BTBD10: variants seen among roughly 807,000 people sequenced by gnomAD.
BTBD10 encodes the protein BTB/POZ domain-containing protein 10.
A neutral mutation model predicts 53.2 loss-of-function variants in BTBD10; 21 were observed. The ratio of observed to expected loss-of-function variants is 0.39; its 90% CI spans 0.28 to 0.57. The LOEUF is 0.57. Ranked by LOEUF, BTBD10 falls within the 20% of genes least tolerant of loss-of-function variation. The probability of loss-of-function intolerance (pLI) is 0.53; values close to 1 mark genes in which losing one functional copy is unlikely to be tolerated. For missense variants in BTBD10, 360 were observed against 594.7 expected (o/e 0.61, Z 4.10); for synonymous variants, 149 against 192.7 (o/e 0.77, Z 1.88).
chr11:13,437,697 A>T (rs557396101), intron 2 of BTBD10, among the ~76,000 whole-genome samples: 81 of 152,328 alleles, frequency 5.3e-4, no homozygotes, highest in African/African-American at 1.8e-3. Context: ...TTGGTCTGGC[A>T]ATCTAATTTT....
intron 8 of BTBD10, 72 bp from the exon 9 acceptor site, chr11:13,389,213 C>A: frequency 7.7e-7 from 1 of 1,296,186 alleles, no homozygotes; most frequent in Non-Finnish European, 1.1e-6. Context: ...CCTTAGAAAG[C>A]TTTTCTGCTA....
At chr11:13,393,757 T>A (rs916285552) in intron 8 of BTBD10, among the ~76,000 whole-genome samples, 7 of 152,206 alleles carry the variant, frequency 4.6e-5, no homozygotes, top group Non-Finnish European at 1.0e-4. Context: ...GAAATTTTTT[T>A]AATTTTAAAT....
At chr11:13,444,662 G>A (rs1472764285) in intron 2 of BTBD10, among the ~76,000 whole-genome samples, 4 of 152,190 alleles carry the variant, frequency 2.6e-5, no homozygotes, top group South Asian at 2.1e-4. Flanking sequence ...ATATTATCCT[G>A]TGTAAGGTAT....
At chr11:13,425,860 CAT>C (rs1460705615) in intron 2 of BTBD10, among the ~76,000 whole-genome samples, 1 of 151,984 alleles carries the variant, frequency 6.6e-6, no homozygotes, top group African/African-American at 2.4e-5. Context: ...ATAATTATTA[CAT>C]GTTACATGTC....
intron 5 of BTBD10, among the ~76,000 whole-genome samples, chr11:13,416,345 C>A (rs543086677): frequency 6.6e-6 from 1 of 151,900 alleles, no homozygotes; most frequent in Non-Finnish European, 1.5e-5. Flanking sequence ...CACAGTGAGA[C>A]CCTGTCTGGG....
At chr11:13,450,837 T>C (rs1398302727) in intron 1 of BTBD10, among the ~76,000 whole-genome samples, 1 of 152,128 alleles carries the variant, frequency 6.6e-6, no homozygotes. Context: ...TAAATCTAGG[T>C]ATACTATAAA....
At chr11:13,403,469 T>C (rs1029335082) in intron 7 of BTBD10, among the ~76,000 whole-genome samples, 191 bp from the exon 8 acceptor site, 1 of 152,100 alleles carries the variant, frequency 6.6e-6, no homozygotes, top group African/African-American at 2.4e-5. Context: ...AAATGTCTAC[T>C]TAAGTGGAAA....
chr11:13,421,583 T>G, intron 3 of BTBD10, 59 bp downstream of exon 3: 1 of 1,449,696 alleles, frequency 6.9e-7, no homozygotes, highest in Non-Finnish European at 9.4e-7. Context: ...CATTACTACT[T>G]TAAAAAGGTA....
At chr11:13,415,387 T>A (rs1168340966) in intron 5 of BTBD10, among the ~76,000 whole-genome samples, 1 of 152,140 alleles carries the variant, frequency 6.6e-6, no homozygotes, top group Non-Finnish European at 1.5e-5. Flanking sequence ...CTGAGGGCAG[T>A]CATGCCCCAG....
At chr11:13,458,646 T>C (rs1347092807) in intron 1 of BTBD10, among the ~76,000 whole-genome samples, 1 of 152,250 alleles carries the variant, frequency 6.6e-6, no homozygotes, top group Non-Finnish European at 1.5e-5. Flanking sequence ...TTAAAGTTAC[T>C]TTCAGTATTA....
At chr11:13,441,672 C>T (rs969127096) in intron 2 of BTBD10, among the ~76,000 whole-genome samples, 10 of 151,800 alleles carry the variant, frequency 6.6e-5, no homozygotes, top group African/African-American at 1.9e-4. Flanking sequence ...ATCAAAAGTA[C>T]AAGACGAGAA....
chr11:13,447,891 A>T (rs1202023029), intron 1 of BTBD10, among the ~76,000 whole-genome samples: 1 of 152,184 alleles, frequency 6.6e-6, no homozygotes, highest in Non-Finnish European at 1.5e-5. Flanking sequence ...GTTTGCCTAC[A>T]CAAACATAAC....
intron 8 of BTBD10, 51 bp downstream of exon 8, chr11:13,403,117 A>C: frequency 8.8e-7 from 1 of 1,134,356 alleles, no homozygotes; most frequent in East Asian, 2.6e-5. Context: ...ATTGTTTTTA[A>C]CCTTTTTGTT....
rs773306077 is a variant in BTBD10 at position 13,445,119 on chromosome 11, T to G, written c.6A>C (p.Ala2=). 6 of 1,612,610 alleles carry G rather than the reference T, an allele frequency of 3.7e-6. No homozygotes were observed. The highest frequency in any genetic ancestry group is 4.2e-6 in the Non-Finnish European group (5 of 1,178,818). ...TACCATCATAGGGATGAGGCCGTCC[T>G]GCCATCCCACTCCAAGCTTCCTCAC... M[A]GRPHPYDGNS... Residue 2 remains alanine, a synonymous_variant, in exon 2 of 9, where the codon GCA becomes GCC. Coordinates refer to ENST00000278174, the MANE Select transcript of BTBD10 (RefSeq NM_032320.7).
chr11:13,428,431 A>T (rs989995678), intron 2 of BTBD10, among the ~76,000 whole-genome samples: 2 of 152,144 alleles, frequency 1.3e-5, no homozygotes, highest in Non-Finnish European at 2.9e-5. Flanking sequence ...TTCCCAACTC[A>T]TTCTATGAGA....
At position 13,440,536 on chromosome 11, in the gene BTBD10, A is replaced by G. The variant is rs565274517; in HGVS notation, c.101+4488T>C. Among the ~76,000 whole-genome samples, 9 of 152,334 alleles carry G rather than the reference A, an allele frequency of 5.9e-5. 1 individual carries two copies. In the South Asian group the frequency reaches 1.9e-3, roughly 32 times the overall value. On this transcript the variant is annotated intron_variant, in intron 2 of 8. Coordinates refer to ENST00000278174, the MANE Select transcript of BTBD10 (RefSeq NM_032320.7). The stretch of plus-strand genomic sequence containing the variant: ...AAAGCTCTTTAAAATCAAAGAGAAA[A>G]TATTATTGTACTTAATTAAGAATCC...
At chr11:13,393,946 C>T (rs915850864) in intron 8 of BTBD10, among the ~76,000 whole-genome samples, 3 of 152,086 alleles carry the variant, frequency 2.0e-5, no homozygotes, top group African/African-American at 7.2e-5. Flanking sequence ...GATAGCTAAC[C>T]AAATAACCTC....
chr11:13,396,915 T>C (rs1565229140), intron 8 of BTBD10, among the ~76,000 whole-genome samples: 1 of 152,198 alleles, frequency 6.6e-6, no homozygotes, highest in African/African-American at 2.4e-5. Context: ...TGGATAAGCT[T>C]TTTGATGTGT....
At chr11:13,428,949 G>A (rs1181527926) in intron 2 of BTBD10, among the ~76,000 whole-genome samples, 1 of 152,068 alleles carries the variant, frequency 6.6e-6, no homozygotes, top group Admixed American at 6.6e-5. Flanking sequence ...ATTTTAAAAT[G>A]AACTTTATTT....
Sources: allele counts gnomAD v4.1 joint callset (sites outside exome capture counted in the v4.1 genomes callset), GRCh38; gene constraint gnomAD v4.1.1; transcripts MANE v1.5; gene names NCBI Gene and HGNC (gene_info 2026-07-23, HGNC 2026-07-21).